SOX5: variants seen among roughly 807,000 people sequenced by gnomAD.
SOX5 encodes the protein transcription factor SOX-5.
A neutral mutation model predicts 92.0 loss-of-function variants in SOX5; 9 were observed. The observed-to-expected ratio is 0.10, with a 90% confidence interval of 0.06 to 0.17. The LOEUF is 0.17. SOX5 is among the 10% of genes least tolerant of loss of function. The pLI is 1.00. For missense variants in SOX5, 642 were observed against 944.5 expected, an observed-to-expected ratio of 0.68 and a Z score of 4.20; for synonymous variants, 344 against 336.3, an observed-to-expected ratio of 1.02 and a Z score of -0.25.
At chr12:24,138,579 TGTGTAGAGGA>T (rs1950300635) in intron 4 of SOX5, among the ~76,000 whole-genome samples, 1 of 152,244 alleles carries the variant, frequency 6.6e-6, no homozygotes, top group South Asian at 2.1e-4. Flanking sequence ...CAGAAGCATT[TGTGTAGAGGA>T]GGTTGGTGGG....
intron 4 of SOX5, among the ~76,000 whole-genome samples, chr12:24,012,147 T>C (rs563841090): frequency 6.6e-6 from 1 of 152,178 alleles, no homozygotes; most frequent in African/African-American, 2.4e-5. Context: ...ACAGAAATGG[T>C]AAATGTCTAG....
intron 1 of SOX5, among the ~76,000 whole-genome samples, chr12:23,926,616 T>C (rs1940018983): frequency 6.6e-6 from 1 of 152,142 alleles, no homozygotes; most frequent in South Asian, 2.1e-4. Flanking sequence ...TTCAAAATCC[T>C]ATGCTTTTTT....
chr12:24,276,206 T>C (rs1191200524), intron 3 of SOX5, among the ~76,000 whole-genome samples: 2 of 152,148 alleles, frequency 1.3e-5, no homozygotes, highest in African/African-American at 4.8e-5. Context: ...ATTCGCTATG[T>C]TTTCTTCTAT....
intron 2 of SOX5, among the ~76,000 whole-genome samples, chr12:24,321,734 C>T (rs1199274272): frequency 5.9e-5 from 9 of 152,060 alleles, no homozygotes; most frequent in Non-Finnish European, 1.2e-4. Context: ...TTTAGGATTA[C>T]TATAAATAGA....
In SOX5 at chr12:23,644,941, A is replaced by G. The variant is rs535973249; in HGVS notation, c.932-4044T>C. ...AAAATTAACAAAAGCAAAATTGTAGAGGCTGTGGTACTCTTCACAGTGAAA... is the reference window on the plus strand; with the variant it reads ...AAAATTAACAAAAGCAAAATTGTAGGGGCTGTGGTACTCTTCACAGTGAAA... On this transcript the variant is annotated intron_variant, in intron 7 of 14. Coordinates refer to ENST00000451604, the MANE Select transcript of SOX5 (RefSeq NM_006940.6). Among the ~76,000 whole-genome samples the G allele has an allele frequency of 3.9e-5, 6 of 152,324 alleles. 1 individual carries two copies. Among genetic ancestry groups the G allele is most frequent in the African/African-American group, 1.4e-4 (6 of 41,582 alleles).
At chr12:24,536,110 A>G (rs1033157590) in intron 1 of SOX5, among the ~76,000 whole-genome samples, 2 of 152,230 alleles carry the variant, frequency 1.3e-5, no homozygotes, top group African/African-American at 4.8e-5. Flanking sequence ...CTTGGAAGAT[A>G]GAGGTGAGCT....
chr12:24,504,547 A>T (rs1948535812), intron 1 of SOX5, among the ~76,000 whole-genome samples: 1 of 152,196 alleles, frequency 6.6e-6, no homozygotes, highest in Non-Finnish European at 1.5e-5. Flanking sequence ...TTCTTTCATG[A>T]CAATTCTAAA....
At chr12:24,169,914 T>C (rs1953879665) in intron 4 of SOX5, among the ~76,000 whole-genome samples, 2 of 152,154 alleles carry the variant, frequency 1.3e-5, no homozygotes, top group Admixed American at 6.5e-5. Context: ...TGTCCAGCTA[T>C]TTGGAGGGCT....
intron 8 of SOX5, among the ~76,000 whole-genome samples, chr12:23,610,350 C>T (rs74071321): frequency 0.024 from 3,638 of 152,164 alleles, 117 homozygotes; most frequent in African/African-American, 0.083. Context: ...ACTGTCTAAC[C>T]GCCATCTGGA....
chr12:23,963,111 ATTATT>A lies in SOX5; in HGVS notation c.-1-67092_-1-67088del, dbSNP rs567549148. Among the ~76,000 whole-genome samples the A allele has an allele frequency of 5.2e-3, 790 of 152,302 alleles. 12 individuals carry two copies. Among genetic ancestry groups the A allele is most frequent in the African/African-American group, 0.018 (759 of 41,560 alleles). Reference sequence around the variant, plus strand: ...TTTCTGGTTTAAAGAAAGCAAACAAATTATTTTATAAGGAAACTGCACGATTTCAT... The same window carrying A: ...TTTCTGGTTTAAAGAAAGCAAACAAATTATAAGGAAACTGCACGATTTCAT... On this transcript the variant is annotated intron_variant, in intron 4 of 4. Coordinates refer to the SOX5 transcript ENST00000446891.
chr12:23,659,332 G>C (rs1274502769), intron 7 of SOX5, among the ~76,000 whole-genome samples: 1 of 152,164 alleles, frequency 6.6e-6, no homozygotes. Context: ...GGTGTATGAG[G>C]AACTAATTAA....
At chr12:24,558,030 C>T (rs544090824) in intron 1 of SOX5, among the ~76,000 whole-genome samples, 139 of 152,196 alleles carry the variant, frequency 9.1e-4, no homozygotes, top group African/African-American at 3.1e-3. Context: ...TGAAAAAGTC[C>T]TCATGCATGT....
chr12:24,013,087 A>G (rs557683233), intron 4 of SOX5, among the ~76,000 whole-genome samples: 1 of 152,274 alleles, frequency 6.6e-6, no homozygotes, highest in South Asian at 2.1e-4. Flanking sequence ...TTATTTCCCT[A>G]CCTTCACAGC....
Position 23,792,622 on chromosome 12 carries a change from C to CAAAAAAAAAAAA in SOX5, c.482-36910_482-36899dup, listed in dbSNP as rs749845598. ...TGGGCAATAGAGTGAGGCTCTGTCT[C>CAAAAAAAAAAAA]AAAAAAAAAAAAAAAAAAAAAAAAA... is the stretch of plus-strand genomic sequence containing the variant. On this transcript the variant is annotated intron_variant, in intron 3 of 14. Transcript: ENST00000451604. 8.0e-4 allele frequency among the ~76,000 whole-genome samples: 31 copies of CAAAAAAAAAAAA among 38,964 alleles called. 4 individuals are homozygous for CAAAAAAAAAAAA. Among genetic ancestry groups the CAAAAAAAAAAAA allele is most frequent in the East Asian group, 3.7e-3 (3 of 806 alleles). The allele number at this position is 38,964 out of a possible 152,430, so 25.6% of individuals were successfully genotyped here.
At chr12:24,346,247 A>G (rs1440537423) in intron 2 of SOX5, among the ~76,000 whole-genome samples, 3 of 152,192 alleles carry the variant, frequency 2.0e-5, no homozygotes, top group Non-Finnish European at 2.9e-5. Context: ...GAGATGTGGT[A>G]AGAAAAGTCA....
At chr12:24,098,451 C>T (rs1945691458) in intron 4 of SOX5, among the ~76,000 whole-genome samples, 2 of 152,080 alleles carry the variant, frequency 1.3e-5, no homozygotes, top group Admixed American at 1.3e-4. Context: ...CAAGTTGACC[C>T]TTTAACTGAG....
At chr12:23,816,207 C>CTTT (rs11347313) in intron 3 of SOX5, among the ~76,000 whole-genome samples, 7 of 129,648 alleles carry the variant, frequency 5.4e-5, no homozygotes, top group Non-Finnish European at 8.1e-5. Context: ...GACAAGATTT[C>CTTT]TTTTTTTTTT....
intron 2 of SOX5, among the ~76,000 whole-genome samples, chr12:23,892,107 A>T (rs1326933381): frequency 2.6e-5 from 4 of 152,206 alleles, no homozygotes; most frequent in Non-Finnish European, 4.4e-5. Context: ...AAAAAGGCAG[A>T]CATGTAAATA....
chr12:23,766,351 C>G (rs2094725807), intron 3 of SOX5, among the ~76,000 whole-genome samples: 1 of 152,036 alleles, frequency 6.6e-6, no homozygotes, highest in Non-Finnish European at 1.5e-5. Flanking sequence ...ACATATTTTT[C>G]CAGCCATGAA....
Sources: allele counts gnomAD v4.1 joint callset (sites outside exome capture counted in the v4.1 genomes callset), GRCh38; gene constraint gnomAD v4.1.1; transcripts MANE v1.5; gene names NCBI Gene and HGNC (gene_info 2026-07-23, HGNC 2026-07-21).